Variants in VOPP1 observed in about 807,000 individuals in gnomAD.
VOPP1 encodes VOPP1 WW domain binding protein.
VOPP1 carries 8 observed loss-of-function variants against 23.5 expected under a neutral mutation model. The ratio of observed to expected loss-of-function variants is 0.34; its 90% CI spans 0.20 to 0.61. The LOEUF (loss-of-function observed/expected upper bound fraction) is 0.61. Ranked by LOEUF, VOPP1 falls within the 20% of genes least tolerant of loss-of-function variation. The pLI, the probability that VOPP1 is intolerant of heterozygous loss-of-function variation, is 0.78. For missense variants in VOPP1, 174 were observed against 238.1 expected (o/e 0.73, Z 1.77); for synonymous variants, 83 against 97.3 (o/e 0.85, Z 0.86).
At position 55,438,017 on chromosome 7, in the gene VOPP1, C is replaced by T. The variant is rs191047034; in HGVS notation, n.418-1843G>A. Among the ~76,000 whole-genome samples, 529 of 152,024 alleles carry T rather than the reference C, an allele frequency of 3.5e-3. 1 individual carries two copies. Among genetic ancestry groups the T allele is most frequent in the Non-Finnish European group, 6.2e-3 (419 of 67,970 alleles). ...TCAAGTGATTCTCATGCCTCAGCCT[C>T]CCAAGTAGCTGGGATTACAGATTAC... On this transcript the variant is annotated intron_variant and non_coding_transcript_variant, in intron 4 of 4. Transcript: ENST00000462326.
At chr7:55,468,984 G>T (rs959463447), downstream of VOPP1, among the ~76,000 whole-genome samples, 1 of 152,138 alleles carries the variant, frequency 6.6e-6, no homozygotes, top group Admixed American at 6.5e-5. Context: ...CATATAAAGT[G>T]TCAGAAAAGG....
intron 1 of VOPP1, among the ~76,000 whole-genome samples, chr7:55,545,782 A>C (rs1797340107): frequency 6.6e-6 from 1 of 152,110 alleles, no homozygotes; most frequent in Non-Finnish European, 1.5e-5. Context: ...CTTGTGTTTA[A>C]AAAGGAATGA....
intron 1 of VOPP1, among the ~76,000 whole-genome samples, chr7:55,568,148 C>G (rs1798224850): frequency 6.9e-6 from 1 of 144,366 alleles, no homozygotes; most frequent in Non-Finnish European, 1.5e-5. Context: ...GGCACAATCT[C>G]CGCTCACTGC....
chr7:55,529,804 T>C (rs1796397490), intron 1 of VOPP1, among the ~76,000 whole-genome samples: 1 of 152,190 alleles, frequency 6.6e-6, no homozygotes, highest in Admixed American at 6.5e-5. Context: ...TAGTCTTGCC[T>C]TTGCTATAAG....
rs529567922 is a variant in VOPP1, at chr7:55,563,579, G to A, written c.54+8692C>T. Reference sequence around the variant, plus strand: ...GGAACATTTGCATATACACAGTGAAGTATCTTGGGGATGGGACCCAAGTCT... The same window carrying A: ...GGAACATTTGCATATACACAGTGAAATATCTTGGGGATGGGACCCAAGTCT... On this transcript the variant is annotated intron_variant, in intron 1 of 4. Transcript: ENST00000285279. Among the ~76,000 whole-genome samples, 6 of 152,328 alleles carry A rather than the reference G, an allele frequency of 3.9e-5. No homozygotes were observed. The South Asian group carries it at 1.0e-3, about 26-fold the overall frequency.
chr7:55,553,416 TC>T (rs1335134516), intron 1 of VOPP1, among the ~76,000 whole-genome samples: 1 of 152,146 alleles, frequency 6.6e-6, no homozygotes, highest in Non-Finnish European at 1.5e-5. Flanking sequence ...CGGGCTGTTT[TC>T]CCATGTTGCA....
chr7:55,529,009 T>C (rs1796343059), intron 1 of VOPP1, among the ~76,000 whole-genome samples: 1 of 152,224 alleles, frequency 6.6e-6, no homozygotes, highest in Non-Finnish European at 1.5e-5. Context: ...GTGTGATTTC[T>C]TTTTAAAATA....
intron 1 of VOPP1, chr7:55,538,633 G>A: frequency 6.5e-7 from 1 of 1,536,000 alleles, no homozygotes; most frequent in Non-Finnish European, 8.7e-7. Flanking sequence ...ACAGAAGACA[G>A]ATACCCAAGA....
chr7:55,544,832 G>A (rs1037176991), intron 1 of VOPP1, among the ~76,000 whole-genome samples: 1 of 152,172 alleles, frequency 6.6e-6, no homozygotes, highest in Admixed American at 6.5e-5. Context: ...CAATAAAAGC[G>A]CAATTTTAGT....
chr7:55,550,663 C>A (rs1182280765), intron 1 of VOPP1, among the ~76,000 whole-genome samples: 1 of 152,126 alleles, frequency 6.6e-6, no homozygotes, highest in Non-Finnish European at 1.5e-5. Flanking sequence ...CCACCATTAG[C>A]CCTATCGCGA....
intron 2 of VOPP1, among the ~76,000 whole-genome samples, chr7:55,498,335 C>T (rs946048240): frequency 5.3e-5 from 8 of 152,236 alleles, no homozygotes; most frequent in Non-Finnish European, 1.0e-4. Context: ...CTGCCTCCCT[C>T]CCCTCATCCC....
chr7:55,511,737 T>C (rs1055311407), intron 2 of VOPP1, among the ~76,000 whole-genome samples: 2 of 152,216 alleles, frequency 1.3e-5, no homozygotes, highest in Non-Finnish European at 2.9e-5. Context: ...CTGCTTCCAG[T>C]TGTCCCTGCC....
At chr7:55,563,953 A>G (rs1269265152) in intron 1 of VOPP1, among the ~76,000 whole-genome samples, 1 of 152,216 alleles carries the variant, frequency 6.6e-6, no homozygotes, top group African/African-American at 2.4e-5. Flanking sequence ...GGGAGGAAAG[A>G]AATGAGAAGG....
At chr7:55,538,484 G>C in intron 1 of VOPP1, 1 of 740,282 alleles carries the variant, frequency 1.4e-6, no homozygotes, top group Non-Finnish European at 2.1e-6. Context: ...CTTCCTGCCA[G>C]GCTACACAAA....
At chr7:55,504,175 CAATTTGACAGCT>C (rs1313721637) in intron 2 of VOPP1, among the ~76,000 whole-genome samples, 2 of 152,168 alleles carry the variant, frequency 1.3e-5, no homozygotes, top group Non-Finnish European at 2.9e-5. Flanking sequence ...CCCAGTCTCT[CAATTTGACAGCT>C]GGTCTGTTCT....
chr7:55,522,000 C>T (rs1795894252), intron 1 of VOPP1: 10 of 715,744 alleles, frequency 1.4e-5, no homozygotes, highest in Admixed American at 6.3e-5. Flanking sequence ...TAAATAAAAC[C>T]TTCAAAACAT....
chr7:55,564,248 T>TCTCTCTCTCTCTCTCA (rs1798085779), intron 1 of VOPP1, among the ~76,000 whole-genome samples: 1 of 148,224 alleles, frequency 6.7e-6, no homozygotes, highest in Admixed American at 6.7e-5. Flanking sequence ...TCTCTGTCTC[T>TCTCTCTCTCTCTCTCA]CTCTCTCTCT....
intron 1 of VOPP1, among the ~76,000 whole-genome samples, chr7:55,555,320 AG>A (rs2129054911): frequency 6.6e-6 from 1 of 152,206 alleles, no homozygotes; most frequent in East Asian, 1.9e-4. Context: ...CCAGGGAAGC[AG>A]ACTGCATGAC....
chr7:55,560,743 G>A (rs918700727), intron 1 of VOPP1, among the ~76,000 whole-genome samples: 1 of 152,148 alleles, frequency 6.6e-6, no homozygotes, highest in South Asian at 2.1e-4. Flanking sequence ...TTCTTCTCTA[G>A]TAGGCCAGTA....
Sources: allele counts gnomAD v4.1 joint callset (sites outside exome capture counted in the v4.1 genomes callset), GRCh38; gene constraint gnomAD v4.1.1; transcripts MANE v1.5; gene names NCBI Gene and HGNC (gene_info 2026-07-23, HGNC 2026-07-21).